Variants in C6orf132 observed in about 807,000 individuals in gnomAD.
C6orf132 encodes uncharacterized protein C6orf132.
Under a neutral mutation model 65.3 loss-of-function variants are expected in C6orf132, and 43 were observed. The observed-to-expected ratio is 0.66, with a 90% CI of 0.52 to 0.85. The LOEUF (loss-of-function observed/expected upper bound fraction) is 0.85. Ranked by LOEUF, C6orf132 falls within the 40% of genes least tolerant of loss-of-function variation. The pLI, the probability that C6orf132 is intolerant of heterozygous loss-of-function variation, is 0.00. For missense variants in C6orf132, 1,488 were observed against 1,548.8 expected, an observed-to-expected ratio of 0.96 and a Z score of 0.66; for synonymous variants, 631 against 654.1, an observed-to-expected ratio of 0.96 and a Z score of 0.54.
Position 42,104,800 on chromosome 6 carries a change from G to A in C6orf132, c.3112C>T (p.Arg1038Cys), listed in dbSNP as rs931623940. The A allele has an allele frequency of 6.7e-7, 1 of 1,492,150 alleles. No individual in the cohort carries two copies. Among genetic ancestry groups the A allele is most frequent in the East Asian group, 2.5e-5 (1 of 39,922 alleles). The allele number at this position is 1,492,150 out of a possible 1,614,324, so 92.4% of individuals were successfully genotyped here. The stretch of plus-strand genomic sequence containing the variant: ...GCGTAGCGCGCGCCCGCGGGAAAGC[G>A]CGAGAAGCCGAGAGCCGGGGGCGCC... ...PGAPPALGFS[R>C]FPAGARYAGA... The change falls in exon 4 of 5, where the codon CGC (arginine) becomes TGC (cysteine). Residue 1038 changes from arginine to cysteine, a missense_variant. Arg to Cys is a radical substitution (Grantham distance 180). Transcript: ENST00000341865. The surrounding 1 kb of genome is among the most constrained non-coding windows in gnomAD (Gnocchi z 4.1).
At chr6:42,127,704 G>C (rs766993134) in intron 2 of C6orf132, among the ~76,000 whole-genome samples, 3 of 152,172 alleles carry the variant, frequency 2.0e-5, no homozygotes, top group Non-Finnish European at 4.4e-5. Context: ...CGACAGACAG[G>C]AGTGAGCCTT....
chr6:42,127,538 C>A (rs74915337), intron 2 of C6orf132, among the ~76,000 whole-genome samples: 10,610 of 152,180 alleles, frequency 0.07, 506 homozygotes, highest in Middle Eastern at 0.16. Context: ...GTATGGGGAC[C>A]CAGGACCAAT....
Position 42,110,219 on chromosome 6 carries a change from T to G in C6orf132, c.325A>C (p.Thr109Pro), listed in dbSNP as rs1218933317. Residue 109 changes from threonine (T) to proline (P), a missense_variant, in exon 3 of 5, where the codon ACA becomes CCA. Physicochemically the swap from Thr to Pro is conservative, Grantham distance 38. Transcript: ENST00000341865. ...CCCAAGCCCAGGGTTCACTTACCTG[T>G]CACTTCTTTGTCTGCAAAATCATCT... ...VPDDFADKEV[T>P]GTSSLVNGNL... is the part of the protein sequence containing the mutation. 6.5e-7 allele frequency: 1 copy of G among 1,548,626 alleles called. No homozygotes were observed. The highest frequency in any genetic ancestry group is 8.7e-7 in the Non-Finnish European group (1 of 1,145,812).
chr6:42,105,270 C>T lies in C6orf132; in HGVS notation c.2642G>A (p.Ser881Asn). ...HSHQAEASSD[S>N]IFHSQGTPNS... ...GGGCGTGCCCTGGCTGTGGAAGATG[C>T]TGTCAGAGCTGGCCTCGGCTTGGTG... is the stretch of plus-strand genomic sequence containing the variant. Residue 881 changes from serine (S) to asparagine (N), a missense_variant, in exon 4 of 5, where the codon AGC (serine) becomes AAC (asparagine). Ser to Asn is a conservative substitution (Grantham distance 46, BLOSUM62 1). Coordinates refer to ENST00000341865, the MANE Select transcript of C6orf132 (RefSeq NM_001164446.3). 1.3e-6 allele frequency: 2 copies of T among 1,537,224 alleles called. No homozygotes were observed. The highest frequency in any genetic ancestry group is 1.7e-6 in the Non-Finnish European group (2 of 1,146,892).
At chr6:42,115,401 C>T (rs546909638) in intron 2 of C6orf132, among the ~76,000 whole-genome samples, 1 of 152,098 alleles carries the variant, frequency 6.6e-6, no homozygotes, top group African/African-American at 2.4e-5. Context: ...AATCCCAGCA[C>T]TTTGGGAGGC....
chr6:42,110,151 CTTTTGAA>C, intron 3 of C6orf132, 58 bp downstream of exon 3: 1 of 1,347,328 alleles, frequency 7.4e-7, no homozygotes, highest in Non-Finnish European at 1.0e-6. Flanking sequence ...AGATGCTTAG[CTTTTGAA>C]CTCAGGGCCC....
chr6:42,120,272 A>T (rs1299122815), intron 2 of C6orf132, among the ~76,000 whole-genome samples: 1 of 137,434 alleles, frequency 7.3e-6, no homozygotes, highest in Non-Finnish European at 1.6e-5. Flanking sequence ...CTTGAGACGG[A>T]GTCTTGCTCT....
intron 2 of C6orf132, chr6:42,126,421 T>C (rs1289097732): frequency 1.3e-5 from 2 of 152,146 alleles, no homozygotes; most frequent in African/African-American, 4.8e-5. Flanking sequence ...ATTCCCATTT[T>C]ACAGATGAAT....
intron 2 of C6orf132, among the ~76,000 whole-genome samples, chr6:42,122,595 C>T (rs1381348091): frequency 2.0e-5 from 3 of 152,188 alleles, no homozygotes; most frequent in African/African-American, 7.2e-5. Flanking sequence ...CACCCCTCAA[C>T]CCTTTGGCCT....
At chr6:42,138,654 AAG>A (rs1191521403) in intron 1 of C6orf132, among the ~76,000 whole-genome samples, 1 of 152,162 alleles carries the variant, frequency 6.6e-6, no homozygotes, top group East Asian at 1.9e-4. Flanking sequence ...CGGGGTAGGA[AAG>A]AGAGTCCTCT....
rs369701799 is a variant in C6orf132 at position 42,109,430 on chromosome 6, C to CAAATAAATAAATAAAT, written c.328+770_328+785dup. On this transcript the variant is annotated intron_variant, in intron 3 of 4. Coordinates refer to ENST00000341865, the MANE Select transcript of C6orf132 (RefSeq NM_001164446.3). ...CTGGCAACAGAGCGAGACTCCATCT[C>CAAATAAATAAATAAAT]AAATAAATAAATAAATAAATAAATA... 2.2e-3 allele frequency among the ~76,000 whole-genome samples: 338 copies of CAAATAAATAAATAAAT among 151,148 alleles called. 5 individuals are homozygous for CAAATAAATAAATAAAT. The highest frequency in any genetic ancestry group is 7.5e-3 in the African/African-American group (309 of 41,196).
At chr6:42,122,615 C>T (rs1766705332) in intron 2 of C6orf132, among the ~76,000 whole-genome samples, 1 of 152,196 alleles carries the variant, frequency 6.6e-6, no homozygotes, top group Non-Finnish European at 1.5e-5. Flanking sequence ...TAACATCATC[C>T]ACACAAACCA....
chr6:42,129,273 T>C (rs982652386), intron 1 of C6orf132, among the ~76,000 whole-genome samples: 1 of 152,210 alleles, frequency 6.6e-6, no homozygotes, highest in African/African-American at 2.4e-5. Context: ...TAACTCAAGA[T>C]TTCCCTGACC....
At chr6:42,117,923 CAAAAAAAAAAAAAAA>C (rs556142891) in intron 2 of C6orf132, among the ~76,000 whole-genome samples, 3 of 62,352 alleles carry the variant, frequency 4.8e-5, no homozygotes, top group Non-Finnish European at 8.7e-5. Context: ...AACCCTGTCA[CAAAAAAAAAAAAAAA>C]AAAAAAAAAA....
chr6:42,106,634 T>A lies in C6orf132; in HGVS notation c.1278A>T (p.Pro426=), dbSNP rs1003518577. The A allele has an allele frequency of 2.1e-5, 31 of 1,510,840 alleles. No homozygotes were observed. The highest frequency in any genetic ancestry group is 2.4e-5 in the Non-Finnish European group (27 of 1,134,350). The allele number at this position is 1,510,840 out of a possible 1,614,324, so 93.6% of individuals were successfully genotyped here. Residue 426 remains proline, a synonymous_variant, in exon 4 of 5, where the codon CCA becomes CCT. Coordinates refer to ENST00000341865, the MANE Select transcript of C6orf132 (RefSeq NM_001164446.3). ...PLPCAQKAAH[P]PAGFTKTPKS... is the part of the protein sequence containing the mutation. Reference sequence around the variant, plus strand: ...TAGGGGTTTTTGTAAACCCAGCAGGTGGATGGGCTGCCTTCTGAGCACAGG... The same window carrying A: ...TAGGGGTTTTTGTAAACCCAGCAGGAGGATGGGCTGCCTTCTGAGCACAGG...
intron 1 of C6orf132, among the ~76,000 whole-genome samples, chr6:42,132,098 A>C (rs1766861999): frequency 6.6e-6 from 1 of 152,242 alleles, no homozygotes; most frequent in Non-Finnish European, 1.5e-5. Context: ...CAGAACAGGC[A>C]AGGAAACAGA....
In C6orf132 at chr6:42,106,254, T is replaced by C; in HGVS notation, c.1658A>G (p.Tyr553Cys). The part of the protein sequence containing the change: ...APSLTLPSVD[Y>C]IPQDSPTPSV... ...GGGAGTTGGAGAGTCTTGGGGAATG[T>C]AGTCCACAGAGGGCAGGGTCAGGCT... The change falls in exon 4 of 5, where the codon TAC becomes TGC. Residue 553 changes from tyrosine to cysteine, a missense_variant. Tyr to Cys is a radical substitution (Grantham distance 194). Transcript: ENST00000341865. 1 of 1,537,124 alleles carries C rather than the reference T, an allele frequency of 6.5e-7. No individual in the cohort carries two copies. Among genetic ancestry groups the C allele is most frequent in the Non-Finnish European group, 8.7e-7 (1 of 1,146,896 alleles).
chr6:42,142,312 T>C lies in C6orf132; in HGVS notation c.133A>G (p.Thr45Ala). 1 of 1,550,462 alleles carries C rather than the reference T, an allele frequency of 6.4e-7. No individual in the cohort carries two copies. The highest frequency in any genetic ancestry group is 8.7e-7 in the Non-Finnish European group (1 of 1,146,624). The change falls in exon 1 of 5, where the codon ACC (threonine) becomes GCC (alanine). Residue 45 changes from threonine to alanine, a missense_variant. Thr to Ala is a moderately conservative substitution (Grantham distance 58, BLOSUM62 0). Transcript: ENST00000341865. ...CCGGAGTACTCACCGAAGCCCCCGGTCCCCTCCTCCGGGGCCTCCTGGGTG... is the reference window on the plus strand; with the variant it reads ...CCGGAGTACTCACCGAAGCCCCCGGCCCCCTCCTCCGGGGCCTCCTGGGTG... ...IFTQEAPEEG[T>A]GGFDGIYYGD...
intron 1 of C6orf132, among the ~76,000 whole-genome samples, chr6:42,141,746 C>A (rs762171238): frequency 9.9e-5 from 15 of 152,130 alleles, no homozygotes; most frequent in Non-Finnish European, 1.9e-4. Context: ...AGCAGCTGCG[C>A]CTGTTGTTTT....
Sources: gnomAD v4.1 joint callset for allele counts (sites outside exome capture counted in the v4.1 genomes callset) on GRCh38, gnomAD v4.1.1 for gene constraint, Gnocchi (gnomAD v3.1) non-coding constraint, MANE v1.5 for transcripts, NCBI Gene and HGNC (gene_info 2026-07-23, HGNC 2026-07-21) for gene names.